Variants in ING5 observed in about 807,000 individuals in gnomAD.
ING5 encodes inhibitor of growth family member 5.
ING5 carries 17 observed loss-of-function variants against 37.4 expected under a neutral mutation model. The observed-to-expected ratio is 0.45, with a 90% CI of 0.31 to 0.68. ING5 has a LOEUF of 0.68. ING5 is among the 30% of genes least tolerant of loss of function. ING5 has a pLI of 0.05. For missense variants in ING5, 233 were observed against 311.9 expected (o/e 0.75, Z 1.91); for synonymous variants, 123 against 116.6 (o/e 1.06, Z -0.36).
chr2:241,691,374 G>A (rs2069551864), intron 2 of ING5, among the ~76,000 whole-genome samples: 1 of 152,044 alleles, frequency 6.6e-6, no homozygotes, highest in African/African-American at 2.4e-5. Context: ...GGGAGGTGGA[G>A]GTTGCAGTGA....
intron 6 of ING5, 49 bp from the exon 7 acceptor site, chr2:241,723,161 A>T (rs754911543): frequency 6.2e-7 from 1 of 1,613,692 alleles, no homozygotes; most frequent in East Asian, 2.2e-5. Flanking sequence ...TGTGTTTTGC[A>T]TACAGAACAT....
chr2:241,719,796 G>T, intron 5 of ING5: 4 of 1,439,960 alleles, frequency 2.8e-6, no homozygotes, highest in Non-Finnish European at 3.6e-6. Context: ...TTCCTGTCCT[G>T]ACAGTGCGCT....
At chr2:241,723,951 A>C in intron 7 of ING5, 1 of 1,262,008 alleles carries the variant, frequency 7.9e-7, no homozygotes, top group Non-Finnish European at 1.1e-6. Flanking sequence ...CCGAGGCTTC[A>C]GTGAGCTGAG....
chr2:241,724,074 T>A (rs1691503280), intron 7 of ING5: 1 of 1,366,214 alleles, frequency 7.3e-7, no homozygotes, highest in Non-Finnish European at 9.4e-7. Flanking sequence ...TAAAAATGGA[T>A]ATCTATGTTC....
At chr2:241,688,529 A>G (rs146565733) in intron 1 of ING5, among the ~76,000 whole-genome samples, 7,410 of 152,284 alleles carry the variant, frequency 0.049, 344 homozygotes, top group African/African-American at 0.13. Context: ...TGTTTTCCAG[A>G]CTGAAGCCTC....
intron 1 of ING5, among the ~76,000 whole-genome samples, chr2:241,688,541 C>T (rs1204685370): frequency 1.3e-5 from 2 of 152,176 alleles, no homozygotes; most frequent in Admixed American, 1.3e-4. Flanking sequence ...TGAAGCCTCC[C>T]CAATTCAGTT....
intron 5 of ING5, chr2:241,719,688 C>T (rs1186588834): frequency 9.2e-6 from 14 of 1,522,860 alleles, no homozygotes; most frequent in Admixed American, 2.0e-5. Flanking sequence ...CTGTTGGGGT[C>T]GGGGCTTCCT....
In ING5 at chr2:241,712,111, C is replaced by T. The variant is rs771651064; in HGVS notation, c.482+40C>T. The T allele has an allele frequency of 5.5e-6, 8 of 1,453,442 alleles. No homozygotes were observed. In the African/African-American group the frequency reaches 1.1e-4, roughly 21 times the overall value. 90.0% of individuals were successfully genotyped at this position (1,453,442 alleles called of 1,614,324 possible). A position where few individuals can be genotyped will look rare whatever the true frequency, so the allele number is the denominator to read the frequency against. On this transcript the variant is annotated intron_variant, in intron 5 of 7. Coordinates refer to ENST00000313552, the MANE Select transcript of ING5 (RefSeq NM_032329.6). ...CCTCTTTTTCCCAAAAGAACGAATA[C>T]CCATAGCCTGTATCCCGGATGTAGG...
chr2:241,699,254 A>C (rs143449329), upstream of ING5, among the ~76,000 whole-genome samples: 5,418 of 151,472 alleles, frequency 0.036, 133 homozygotes, highest in Middle Eastern at 0.075. Context: ...CAAACTCCTG[A>C]CCTCAGGTGA....
chr2:241,721,107 G>A (rs1575139994), intron 5 of ING5: 2 of 985,646 alleles, frequency 2.0e-6, no homozygotes, highest in Non-Finnish European at 2.4e-6. Context: ...GGGCGTCAGC[G>A]TTTCGGGGAC....
At chr2:241,724,178 A>C (rs1691507002) in intron 7 of ING5, 2 of 610,050 alleles carry the variant, frequency 3.3e-6, no homozygotes, top group South Asian at 7.3e-5. Context: ...CGAGTTGGTA[A>C]GAGCCAGTTA....
rs1691727341 is a variant in ING5 at position 241,729,087 on chromosome 2, G to A, written c.*4056G>A. 4 of 152,398 alleles carry A rather than the reference G, an allele frequency of 2.6e-5. No homozygotes were observed. Among genetic ancestry groups the A allele is most frequent in the African/African-American group, 9.6e-5 (4 of 41,466 alleles). The allele number at this position is 152,398 out of a possible 1,614,324, so 9.4% of individuals were successfully genotyped here. ...GGTTTAGAGTAAAACCGTGAGGGAT[G>A]TTAATTATGGGCATTGAAGACTTAA... is the stretch of plus-strand genomic sequence containing the variant. On this transcript the variant is annotated 3_prime_UTR_variant, in exon 8 of 8. Transcript: ENST00000313552.
chr2:241,688,318 C>T (rs112323968), intron 1 of ING5, among the ~76,000 whole-genome samples: 11,778 of 152,222 alleles, frequency 0.077, 1,083 homozygotes, highest in African/African-American at 0.23. Flanking sequence ...TCAGAACCAC[C>T]TGCCTCTGAT....
intron 5 of ING5, 67 bp from the exon 6 acceptor site, chr2:241,722,872 C>T (rs954787476): frequency 7.9e-5 from 126 of 1,598,830 alleles, no homozygotes; most frequent in Non-Finnish European, 9.0e-5. Flanking sequence ...CAGAAGGGCC[C>T]GTGGTGTCCG....
intron 2 of ING5, 26 bp from the exon 3 acceptor site, chr2:241,709,190 T>C: frequency 1.9e-6 from 3 of 1,600,656 alleles, no homozygotes; most frequent in Non-Finnish European, 8.5e-7. Flanking sequence ...TGTGCAGGGC[T>C]AGCTTTTCCC....
chr2:241,719,431 C>G, intron 5 of ING5: 1 of 914,476 alleles, frequency 1.1e-6, no homozygotes, highest in Non-Finnish European at 1.7e-6. Context: ...TCCCCGACAT[C>G]TTTGAGAATG....
At chr2:241,700,206 G>T (rs1040875583), upstream of ING5, among the ~76,000 whole-genome samples, 1 of 147,212 alleles carries the variant, frequency 6.8e-6, no homozygotes, top group African/African-American at 2.5e-5. Context: ...GCCCAGGCTG[G>T]AGTGCAATGG....
intron 2 of ING5, among the ~76,000 whole-genome samples, chr2:241,691,808 C>G (rs1334287194): frequency 6.6e-6 from 1 of 152,254 alleles, no homozygotes; most frequent in South Asian, 2.1e-4. Context: ...ACCTACAATC[C>G]CAGCACTTTG....
intron 2 of ING5, among the ~76,000 whole-genome samples, chr2:241,705,117 C>T (rs1198972939): frequency 6.6e-6 from 1 of 152,150 alleles, no homozygotes; most frequent in Non-Finnish European, 1.5e-5. Context: ...CTTTGTCGCC[C>T]AGTCCGGAGT....
Sources: gnomAD v4.1 joint callset for allele counts (sites outside exome capture counted in the v4.1 genomes callset) on GRCh38, gnomAD v4.1.1 for gene constraint, MANE v1.5 for transcripts, NCBI Gene and HGNC (gene_info 2026-07-23, HGNC 2026-07-21) for gene names.